The following DOCK4 variants were observed in gnomAD, a reference collection of about 807,000 sequenced individuals.
The protein encoded by DOCK4 is dedicator of cytokinesis 4, also known as dedicator of cytokinesis protein 4.
In DOCK4, 97 loss-of-function variants were observed where a neutral mutation model predicts 268.1. That is an observed-to-expected ratio of 0.36 (90% CI 0.31 to 0.43). DOCK4 has a LOEUF of 0.43. Among genes scored for constraint, DOCK4 ranks in the 20% least tolerant of loss-of-function variants. The pLI is 1.00. For synonymous variants in DOCK4, 954 were observed against 887.2 expected, an observed-to-expected ratio of 1.08 and a Z score of -1.34; for missense variants, 2,145 against 2,455.7, an observed-to-expected ratio of 0.87 and a Z score of 2.67.
At chr7:112,066,687 A>G (rs1441825465) in intron 1 of DOCK4, among the ~76,000 whole-genome samples, 387 of 15,396 alleles carry the variant, frequency 0.025, 31 homozygotes, top group African/African-American at 0.12. Flanking sequence ...ATATATACAT[A>G]TACATATATA....
chr7:111,791,073 T>TAC (rs1554593898), intron 30 of DOCK4, among the ~76,000 whole-genome samples: 2 of 115,158 alleles, frequency 1.7e-5, no homozygotes, highest in Non-Finnish European at 3.5e-5. Flanking sequence ...AAAAAAATTA[T>TAC]ATATATATAT....
chr7:111,915,694 G>C, intron 13 of DOCK4, 85 bp downstream of exon 13: 2 of 1,460,446 alleles, frequency 1.4e-6, no homozygotes, highest in Non-Finnish European at 1.8e-6. Context: ...ATGCTTCAAA[G>C]CTGGCAATTT....
chr7:111,787,072 C>T (rs1050582422), intron 32 of DOCK4, among the ~76,000 whole-genome samples: 5 of 152,042 alleles, frequency 3.3e-5, no homozygotes, highest in Non-Finnish European at 7.4e-5. Flanking sequence ...ATTCTCATGT[C>T]GAGGTACATC....
intron 23 of DOCK4, among the ~76,000 whole-genome samples, chr7:111,860,197 T>C (rs1805391370): frequency 6.6e-6 from 1 of 152,212 alleles, no homozygotes; most frequent in Admixed American, 6.5e-5. Flanking sequence ...AATATGCCCA[T>C]CAGTCCCCTA....
chr7:111,822,258 C>CA (rs113026478), intron 27 of DOCK4, 104 bp downstream of exon 27: 53,766 of 744,330 alleles, frequency 0.072, 2,419 homozygotes, highest in African/African-American at 0.33. Flanking sequence ...AATTCAGAGG[C>CA]AAAAAAAAAA....
intron 16 of DOCK4, among the ~76,000 whole-genome samples, chr7:111,878,012 A>C (rs1807057287): frequency 6.6e-6 from 1 of 152,218 alleles, no homozygotes; most frequent in Non-Finnish European, 1.5e-5. Context: ...TCTTACCAAA[A>C]GTGCTGAACC....
chr7:112,110,026 G>GA (rs1297061319), intron 1 of DOCK4, among the ~76,000 whole-genome samples: 12 of 152,002 alleles, frequency 7.9e-5, no homozygotes, highest in Admixed American at 4.6e-4. Context: ...TTACAGGCGT[G>GA]AGCCACCGCG....
chr7:111,821,885 C>CA (rs540854109), intron 27 of DOCK4: 2 of 152,460 alleles, frequency 1.3e-5, no homozygotes, highest in Admixed American at 1.3e-4. Flanking sequence ...TTTCTAGTAA[C>CA]AGAGAATTGG....
At chr7:112,097,613 A>AAC (rs1387869122) in intron 1 of DOCK4, among the ~76,000 whole-genome samples, 2 of 152,186 alleles carry the variant, frequency 1.3e-5, no homozygotes, top group Admixed American at 1.3e-4. Flanking sequence ...CTGTAGAATA[A>AAC]ACATATGTTT....
chr7:112,010,013 C>A (rs574486656), intron 1 of DOCK4, among the ~76,000 whole-genome samples: 1 of 152,098 alleles, frequency 6.6e-6, no homozygotes, highest in Non-Finnish European at 1.5e-5. Flanking sequence ...GATGGGGTTT[C>A]GCCATATTGC....
At chr7:111,928,689 T>C (rs948892001) in intron 12 of DOCK4, among the ~76,000 whole-genome samples, 6 of 151,414 alleles carry the variant, frequency 4.0e-5, no homozygotes, top group African/African-American at 9.7e-5. Context: ...CCAGATTCAA[T>C]TGATTCTCCT....
chr7:112,109,757 T>C (rs897686295), intron 1 of DOCK4, among the ~76,000 whole-genome samples: 3 of 148,660 alleles, frequency 2.0e-5, no homozygotes, highest in Non-Finnish European at 4.4e-5. Flanking sequence ...TTTTTTTTTT[T>C]TTTTTGAGAC....
At chr7:111,996,571 G>A (rs1799975044) in intron 4 of DOCK4, among the ~76,000 whole-genome samples, 1 of 152,120 alleles carries the variant, frequency 6.6e-6, no homozygotes, top group Non-Finnish European at 1.5e-5. Flanking sequence ...TTTTCTTCCA[G>A]TAACAGCCCT....
intron 1 of DOCK4, among the ~76,000 whole-genome samples, chr7:112,133,151 G>A (rs1813964081): frequency 6.6e-6 from 1 of 152,150 alleles, no homozygotes; most frequent in Non-Finnish European, 1.5e-5. Flanking sequence ...CATCTCTCTA[G>A]TGTTTTGAGG....
chr7:111,757,284 C>T (rs1038981505), intron 41 of DOCK4, among the ~76,000 whole-genome samples: 8 of 152,016 alleles, frequency 5.3e-5, no homozygotes. Context: ...TTTAAAGTGA[C>T]AGCCACAACG....
chr7:111,836,894 G>T (rs1197892376), intron 25 of DOCK4, among the ~76,000 whole-genome samples: 1 of 151,986 alleles, frequency 6.6e-6, no homozygotes, highest in East Asian at 1.9e-4. Flanking sequence ...TGAACTGGAG[G>T]ACAACTTCAA....
intron 2 of DOCK4, among the ~76,000 whole-genome samples, chr7:112,001,955 A>T (rs189013767): frequency 1.3e-5 from 2 of 152,216 alleles, no homozygotes; most frequent in East Asian, 1.9e-4. Context: ...ACAAATCAGG[A>T]TATATATTGT....
At chr7:112,039,997 G>C (rs1006593449) in intron 1 of DOCK4, among the ~76,000 whole-genome samples, 1 of 152,098 alleles carries the variant, frequency 6.6e-6, no homozygotes, top group Non-Finnish European at 1.5e-5. Flanking sequence ...CTAATAAAAT[G>C]TAAGTGGTTT....
chr7:111,949,055 T>C (rs1418978588), intron 8 of DOCK4, among the ~76,000 whole-genome samples: 1 of 152,222 alleles, frequency 6.6e-6, no homozygotes, highest in East Asian at 1.9e-4. Context: ...TAGTAATCAG[T>C]TACCTACTAA....
Sources: gnomAD v4.1 joint callset for allele counts (sites outside exome capture counted in the v4.1 genomes callset) on GRCh38, gnomAD v4.1.1 for gene constraint, MANE v1.5 for transcripts, NCBI Gene and HGNC (gene_info 2026-07-23, HGNC 2026-07-21) for gene names.